The following ZFAND4 variants were observed in gnomAD, a reference collection of about 807,000 sequenced individuals.
ZFAND4 encodes the protein zinc finger AN1-type containing 4.
In ZFAND4, 43 loss-of-function variants were observed where a neutral mutation model predicts 64.4. The observed-to-expected ratio is 0.67, with a 90% CI of 0.52 to 0.86. The LOEUF (loss-of-function observed/expected upper bound fraction) is 0.86, where lower values mean the gene tolerates loss of function less well. ZFAND4 is among the 40% of genes least tolerant of loss of function. The pLI, the probability that ZFAND4 is intolerant of heterozygous loss-of-function variation, is 0.00. For missense variants in ZFAND4, 929 were observed against 859.8 expected (o/e 1.08, Z -1.01); for synonymous variants, 296 against 305.7 (o/e 0.97, Z 0.33).
chr10:45,618,987 G>C (rs956312469), intron 8 of ZFAND4, among the ~76,000 whole-genome samples: 3 of 151,868 alleles, frequency 2.0e-5, no homozygotes, highest in African/African-American at 7.3e-5. Flanking sequence ...GTATCAACTT[G>C]AGTTTTTACC....
intron 1 of ZFAND4, among the ~76,000 whole-genome samples, chr10:45,665,517 G>T (rs1320775772): frequency 6.6e-6 from 1 of 151,982 alleles, no homozygotes; most frequent in Non-Finnish European, 1.5e-5. Flanking sequence ...CTCCAACCTG[G>T]GTGACAGAGC....
intron 6 of ZFAND4, 41 bp from the exon 7 acceptor site, chr10:45,627,146 T>C: frequency 1.4e-6 from 2 of 1,477,908 alleles, no homozygotes; most frequent in East Asian, 4.6e-5. Context: ...ACAGTCGTTT[T>C]CTCTGCCCAT....
intron 6 of ZFAND4, among the ~76,000 whole-genome samples, chr10:45,630,520 G>A (rs1415791956): frequency 6.6e-6 from 1 of 152,048 alleles, no homozygotes; most frequent in Non-Finnish European, 1.5e-5. Context: ...GAGGTCAGGA[G>A]ATCGAGACCA....
chr10:45,660,637 A>G (rs745950440), intron 2 of ZFAND4, among the ~76,000 whole-genome samples: 2 of 152,210 alleles, frequency 1.3e-5, no homozygotes, highest in African/African-American at 2.4e-5. Context: ...TAGAAAAGCA[A>G]AGACAAAGAC....
chr10:45,656,141 G>A (rs1053940580), intron 2 of ZFAND4, among the ~76,000 whole-genome samples: 16 of 152,188 alleles, frequency 1.1e-4, no homozygotes, highest in African/African-American at 3.1e-4. Flanking sequence ...TGAGGCAGGA[G>A]AATGGCTTGA....
At chr10:45,644,297 C>CA (rs1321496356) in intron 5 of ZFAND4, among the ~76,000 whole-genome samples, 1 of 152,104 alleles carries the variant, frequency 6.6e-6, no homozygotes, top group Admixed American at 6.5e-5. Context: ...AATTAGATAG[C>CA]AAAGCATGAT....
At position 45,654,601 on chromosome 10, in the gene ZFAND4, G is replaced by C. The variant is rs142489908; in HGVS notation, c.185-1542C>G. On this transcript the variant is annotated intron_variant, in intron 2 of 9. Transcript: ENST00000344646. ...GCCACTGCACTCCAGCCTGGCAACA[G>C]AGTGAGACTCCATCTCAAAAAAAAA... Among the ~76,000 whole-genome samples, 9 of 151,150 alleles carry C rather than the reference G, an allele frequency of 6.0e-5. No homozygotes were observed. In the East Asian group the frequency reaches 1.6e-3, roughly 26 times the overall value.
At chr10:45,624,537 T>C in intron 8 of ZFAND4, 46 bp downstream of exon 8, 4 of 1,550,862 alleles carry the variant, frequency 2.6e-6, no homozygotes, top group Non-Finnish European at 2.7e-6. Context: ...TGCATAATTA[T>C]GTAATTATCA....
chr10:45,657,478 G>A (rs890255516), intron 2 of ZFAND4, among the ~76,000 whole-genome samples: 1 of 152,154 alleles, frequency 6.6e-6, no homozygotes, highest in Admixed American at 6.5e-5. Context: ...GAACTTTTAT[G>A]TATTACTCAT....
chr10:45,646,864 T>C (rs1249521937), intron 5 of ZFAND4, among the ~76,000 whole-genome samples: 1 of 152,228 alleles, frequency 6.6e-6, no homozygotes, highest in Non-Finnish European at 1.5e-5. Context: ...CCTCCATTTC[T>C]TGCCCAGGGT....
chr10:45,651,648 AGACTC>A (rs766336842), intron 4 of ZFAND4: 1 of 489,174 alleles, frequency 2.0e-6, no homozygotes, highest in African/African-American at 2.0e-5. Flanking sequence ...AAAATAAACA[AGACTC>A]GTATGAAACT....
chr10:45,618,976 T>C (rs1379445540), intron 8 of ZFAND4, among the ~76,000 whole-genome samples: 1 of 152,216 alleles, frequency 6.6e-6, no homozygotes, highest in African/African-American at 2.4e-5. Context: ...TCTGTATTAC[T>C]GTATCAACTT....
intron 6 of ZFAND4, among the ~76,000 whole-genome samples, chr10:45,632,150 C>T (rs1345291189): frequency 6.6e-6 from 1 of 151,918 alleles, no homozygotes; most frequent in Non-Finnish European, 1.5e-5. Context: ...GTCAGGAGTT[C>T]GAGACCAGCC....
chr10:45,645,962 A>G (rs917526708), intron 5 of ZFAND4, among the ~76,000 whole-genome samples: 1 of 152,080 alleles, frequency 6.6e-6, no homozygotes, highest in African/African-American at 2.4e-5. Context: ...TGATATCAGC[A>G]TCTGACAGTA....
chr10:45,642,478 G>T (rs1268656533), intron 5 of ZFAND4, among the ~76,000 whole-genome samples: 4 of 151,576 alleles, frequency 2.6e-5, no homozygotes, highest in African/African-American at 9.7e-5. Context: ...GTGGTGGCGG[G>T]TGCCTGTAGT....
Position 45,648,523 on chromosome 10 carries a change from C to A in ZFAND4, c.340G>T (p.Asp114Tyr). The A allele has an allele frequency of 6.2e-7, 1 of 1,600,970 alleles. No individual in the cohort carries two copies. The highest frequency in any genetic ancestry group is 8.5e-7 in the Non-Finnish European group (1 of 1,174,956). The change falls in exon 5 of 10, where the codon GAT (aspartate) becomes TAT (tyrosine). Residue 114 changes from aspartate (D) to tyrosine (Y), a missense_variant. Coordinates refer to ENST00000344646, the MANE Select transcript of ZFAND4 (RefSeq NM_174890.4). Reference sequence around the variant, plus strand: ...TACTCTGCCATCTTCCTAAGTGGATCGTCTGTAGGAACTACAAATGGAAAA... The same window carrying A: ...TACTCTGCCATCTTCCTAAGTGGATAGTCTGTAGGAACTACAAATGGAAAA... ...PINTRRVPTDDPLRKMAEYLD... is the reference protein window; with the variant it reads ...PINTRRVPTDYPLRKMAEYLD...
chr10:45,644,051 G>A (rs2133737694), intron 5 of ZFAND4, among the ~76,000 whole-genome samples: 1 of 152,300 alleles, frequency 6.6e-6, no homozygotes, highest in African/African-American at 2.4e-5. Context: ...TGCCTACAAT[G>A]GCAGAGTTGA....
At chr10:45,655,589 A>G (rs1463127760) in intron 2 of ZFAND4, among the ~76,000 whole-genome samples, 1 of 152,216 alleles carries the variant, frequency 6.6e-6, no homozygotes, top group Non-Finnish European at 1.5e-5. Context: ...CTTTGGAAAT[A>G]TAAACAAAAT....
At chr10:45,661,791 T>C (rs2048487034) in intron 2 of ZFAND4, among the ~76,000 whole-genome samples, 1 of 151,690 alleles carries the variant, frequency 6.6e-6, no homozygotes, top group Non-Finnish European at 1.5e-5. Flanking sequence ...AAGTGCAAAA[T>C]CAGTCAGGCA....
Sources: gnomAD v4.1 joint callset for allele counts (sites outside exome capture counted in the v4.1 genomes callset) on GRCh38, gnomAD v4.1.1 for gene constraint, MANE v1.5 for transcripts, NCBI Gene and HGNC (gene_info 2026-07-23, HGNC 2026-07-21) for gene names.